Variants in CDH4 observed in about 807,000 individuals in gnomAD.
The protein encoded by CDH4 is cadherin 4.
A neutral mutation model predicts 86.0 loss-of-function variants in CDH4; 33 were observed. The observed-to-expected ratio is 0.38, with a 90% CI of 0.29 to 0.51. CDH4 has a LOEUF of 0.51. CDH4 is among the 20% of genes least tolerant of loss of function. CDH4 has a pLI of 0.86. For missense variants in CDH4, 1,114 were observed against 1,307.4 expected (o/e 0.85, Z 2.28); for synonymous variants, 555 against 549.4 (o/e 1.01, Z -0.14).
intron 3 of CDH4, among the ~76,000 whole-genome samples, chr20:61,770,395 C>A (rs1281011901): frequency 1.3e-5 from 2 of 152,238 alleles, no homozygotes; most frequent in African/African-American, 4.8e-5. Flanking sequence ...TTCTCCACCA[C>A]GTGAACTCTC....
At chr20:61,842,161 T>A (rs1007377786) in intron 4 of CDH4, among the ~76,000 whole-genome samples, 4 of 152,236 alleles carry the variant, frequency 2.6e-5, no homozygotes, top group African/African-American at 9.6e-5. Flanking sequence ...ATGATTGTCA[T>A]CGTGCTGCAG....
chr20:61,757,938 C>T (rs184079614), intron 3 of CDH4, among the ~76,000 whole-genome samples: 23 of 152,298 alleles, frequency 1.5e-4, no homozygotes, highest in African/African-American at 4.6e-4. Context: ...TTGTTCACTC[C>T]AGGAGTGATG....
intron 4 of CDH4, among the ~76,000 whole-genome samples, chr20:61,794,630 C>T (rs1310183750): frequency 6.6e-6 from 1 of 152,240 alleles, no homozygotes; most frequent in East Asian, 1.9e-4. Context: ...TGGGCACCCA[C>T]AGCTTCTGCT....
chr20:61,542,877 G>A (rs1600742784), intron 2 of CDH4, among the ~76,000 whole-genome samples: 1 of 152,350 alleles, frequency 6.6e-6, no homozygotes, highest in Middle Eastern at 3.4e-3. Context: ...TAAGGAGCCT[G>A]GAAGCCAGTC....
At position 61,761,870 on chromosome 20, in the gene CDH4, G is replaced by T. The variant is rs117901103; in HGVS notation, c.397-11133G>T. Among the ~76,000 whole-genome samples the T allele has an allele frequency of 2.2e-4, 33 of 152,352 alleles. No individual in the cohort carries two copies. The East Asian group carries it at 4.4e-3, about 20-fold the overall frequency. Reference sequence around the variant, plus strand: ...CTTTCCTCTCACAGGAAGCTCCAGTGCATGGAGCATCCTCATAAGCCATGC... The same window carrying T: ...CTTTCCTCTCACAGGAAGCTCCAGTTCATGGAGCATCCTCATAAGCCATGC... On this transcript the variant is annotated intron_variant, in intron 3 of 15. Transcript: ENST00000614565.
At chr20:61,639,461 G>A (rs1384882293) in intron 2 of CDH4, among the ~76,000 whole-genome samples, 2 of 152,296 alleles carry the variant, frequency 1.3e-5, no homozygotes, top group African/African-American at 4.8e-5. Context: ...TTGGTATGCT[G>A]GCTAATGTTC....
intron 2 of CDH4, among the ~76,000 whole-genome samples, chr20:61,620,167 T>TGGAA (rs879275146): frequency 1.2e-5 from 1 of 81,756 alleles, no homozygotes; most frequent in Non-Finnish European, 2.5e-5. Flanking sequence ...GATGGATGGA[T>TGGAA]GGATGGATGG....
intron 2 of CDH4, among the ~76,000 whole-genome samples, chr20:61,271,576 C>T (rs758558321): frequency 4.6e-5 from 7 of 152,334 alleles, no homozygotes; most frequent in African/African-American, 1.4e-4. Flanking sequence ...CGTGAGGCCC[C>T]GGCCTGGGGG....
chr20:61,321,260 G>T lies in CDH4; in HGVS notation c.169+66323G>T, dbSNP rs542984210. On this transcript the variant is annotated intron_variant, in intron 2 of 15. Transcript: ENST00000614565. ...CAGTTAATTTCCTGGGAAATGAATA[G>T]AGTCTTCTCATTGATCTAGGGAAGA... Among the ~76,000 whole-genome samples, 3 of 152,320 alleles carry T rather than the reference G, an allele frequency of 2.0e-5. No individual in the cohort carries two copies. In the East Asian group the frequency reaches 5.8e-4, roughly 29 times the overall value.
intron 4 of CDH4, among the ~76,000 whole-genome samples, chr20:61,812,513 C>A (rs1053796348): frequency 6.6e-6 from 1 of 152,100 alleles, no homozygotes; most frequent in Non-Finnish European, 1.5e-5. Context: ...CTCTCTTTGA[C>A]GTATCCTTTA....
At chr20:61,934,007 C>A in intron 14 of CDH4, 49 bp from the exon 15 acceptor site, 1 of 1,597,636 alleles carries the variant, frequency 6.3e-7, no homozygotes. Flanking sequence ...GGAAGGGGGG[C>A]TGGCGGATTC....
chr20:61,408,784 T>C (rs538614834), intron 2 of CDH4, among the ~76,000 whole-genome samples: 1 of 152,192 alleles, frequency 6.6e-6, no homozygotes, highest in African/African-American at 2.4e-5. Flanking sequence ...ATGGGGCCCA[T>C]GACAGCATAG....
At chr20:61,825,765 T>C (rs1006210922) in intron 4 of CDH4, among the ~76,000 whole-genome samples, 1 of 152,110 alleles carries the variant, frequency 6.6e-6, no homozygotes, top group Admixed American at 6.5e-5. Context: ...CCTACTTGAT[T>C]CTCAAACTTT....
chr20:61,762,158 G>T (rs1027114732), intron 3 of CDH4, among the ~76,000 whole-genome samples: 2 of 152,204 alleles, frequency 1.3e-5, no homozygotes, highest in Non-Finnish European at 2.9e-5. Context: ...GAGTAAGACC[G>T]TTTCGTAGGC....
At chr20:61,755,754 G>A (rs2088557232) in intron 3 of CDH4, among the ~76,000 whole-genome samples, 1 of 142,570 alleles carries the variant, frequency 7.0e-6, no homozygotes, top group Admixed American at 7.0e-5. Context: ...CACACTACAT[G>A]CCACACACAC....
chr20:61,331,908 T>G (rs2084583204), intron 2 of CDH4, among the ~76,000 whole-genome samples: 1 of 152,002 alleles, frequency 6.6e-6, no homozygotes, highest in Non-Finnish European at 1.5e-5. Flanking sequence ...GTAAAAAGCG[T>G]GTGTTGAGGG....
chr20:61,592,778 AGT>A (rs2086527388), intron 2 of CDH4, among the ~76,000 whole-genome samples: 1 of 152,202 alleles, frequency 6.6e-6, no homozygotes, highest in Admixed American at 6.5e-5. Context: ...TCATGTGTCC[AGT>A]GTCATTCGTA....
Position 61,886,929 on chromosome 20 carries a change from G to A in CDH4, c.1051-7981G>A, listed in dbSNP as rs573747232. 2.0e-5 allele frequency among the ~76,000 whole-genome samples: 3 copies of A among 152,264 alleles called. No homozygotes were observed. In the East Asian group the frequency reaches 5.8e-4, roughly 29 times the overall value. On this transcript the variant is annotated intron_variant, in intron 7 of 15. Transcript: ENST00000614565. ...CTCCCCTTGCCCGCCTCACAGGAAT[G>A]AAATGCACTTGAGGGCAAAGGGAGC...
intron 2 of CDH4, among the ~76,000 whole-genome samples, chr20:61,521,715 G>C (rs2085870253): frequency 6.6e-6 from 1 of 152,170 alleles, no homozygotes; most frequent in South Asian, 2.1e-4. Flanking sequence ...CATAATAAGA[G>C]GGGGGTGGGT....
Sources: allele counts gnomAD v4.1 joint callset (sites outside exome capture counted in the v4.1 genomes callset), GRCh38; gene constraint gnomAD v4.1.1; transcripts MANE v1.5; gene names NCBI Gene and HGNC (gene_info 2026-07-23, HGNC 2026-07-21).